Variants in PIP4K2A observed in about 807,000 individuals in gnomAD.
PIP4K2A encodes phosphatidylinositol-5-phosphate 4-kinase type 2 alpha.
Under a neutral mutation model 42.9 loss-of-function variants are expected in PIP4K2A, and 14 were observed. That is an observed-to-expected ratio of 0.33 (90% CI 0.22 to 0.51). The LOEUF (loss-of-function observed/expected upper bound fraction) is 0.51, where lower values mean the gene tolerates loss of function less well. Among genes scored for constraint, PIP4K2A ranks in the 20% least tolerant of loss-of-function variants. The pLI, the probability that PIP4K2A is intolerant of heterozygous loss-of-function variation, is 0.97. For missense variants in PIP4K2A, 434 were observed against 519.8 expected, an observed-to-expected ratio of 0.83 and a Z score of 1.61; for synonymous variants, 192 against 192.2, an observed-to-expected ratio of 1.00 and a Z score of 0.01.
At chr10:22,693,085 T>C (rs1242129699) in intron 1 of PIP4K2A, among the ~76,000 whole-genome samples, 2 of 152,206 alleles carry the variant, frequency 1.3e-5, no homozygotes, top group Non-Finnish European at 2.9e-5. Context: ...ATTGGGGTCA[T>C]AAGTTTTCCT....
At chr10:22,638,376 G>T (rs1404360385) in intron 1 of PIP4K2A, among the ~76,000 whole-genome samples, 1 of 151,994 alleles carries the variant, frequency 6.6e-6, no homozygotes, top group African/African-American at 2.4e-5. Context: ...CATATTCTTT[G>T]GTTAATCTGA....
chr10:22,622,870 C>T (rs1195343824), intron 1 of PIP4K2A, among the ~76,000 whole-genome samples: 1 of 151,990 alleles, frequency 6.6e-6, no homozygotes, highest in African/African-American at 2.4e-5. Context: ...AACTGAGTCA[C>T]AGTAAGGTGA....
At chr10:22,603,635 A>G (rs1403081076) in intron 3 of PIP4K2A, among the ~76,000 whole-genome samples, 1 of 152,200 alleles carries the variant, frequency 6.6e-6, no homozygotes, top group Non-Finnish European at 1.5e-5. Flanking sequence ...TTCTCTCTGC[A>G]TTCCCTAAAA....
chr10:22,586,394 C>CAGA (rs1837395323), intron 4 of PIP4K2A, among the ~76,000 whole-genome samples: 1 of 152,192 alleles, frequency 6.6e-6, no homozygotes. Flanking sequence ...CACAGTCTAC[C>CAGA]AGAAACCAGG....
At chr10:22,573,815 C>T (rs189220736) in intron 4 of PIP4K2A, among the ~76,000 whole-genome samples, 1 of 152,344 alleles carries the variant, frequency 6.6e-6, no homozygotes, top group Non-Finnish European at 1.5e-5. Context: ...CTTCTACCCC[C>T]AAAGCCCTGA....
chr10:22,642,226 T>C (rs1031296178), intron 1 of PIP4K2A, among the ~76,000 whole-genome samples: 3 of 152,136 alleles, frequency 2.0e-5, no homozygotes, highest in Admixed American at 6.5e-5. Flanking sequence ...GAGACAAAGC[T>C]CTCTTTCTGC....
At chr10:22,693,857 TATG>T (rs1839920048) in intron 1 of PIP4K2A, 1 of 152,204 alleles carries the variant, frequency 6.6e-6, no homozygotes, top group Non-Finnish European at 1.5e-5. Flanking sequence ...TCTGATGGGT[TATG>T]ATTTTTTTTA....
chr10:22,672,421 A>C (rs1839473731), intron 1 of PIP4K2A, among the ~76,000 whole-genome samples: 1 of 152,222 alleles, frequency 6.6e-6, no homozygotes, highest in South Asian at 2.1e-4. Flanking sequence ...GTCTATAGTG[A>C]TTTAATCTGG....
intron 1 of PIP4K2A, among the ~76,000 whole-genome samples, chr10:22,695,436 C>T (rs534059613): frequency 2.2e-4 from 34 of 152,236 alleles, no homozygotes; most frequent in African/African-American, 7.0e-4. Flanking sequence ...CCCAAACTCA[C>T]AAAAAGTGAC....
intron 1 of PIP4K2A, among the ~76,000 whole-genome samples, chr10:22,677,431 T>C (rs1839580545): frequency 6.6e-6 from 1 of 151,346 alleles, no homozygotes; most frequent in Admixed American, 6.6e-5. Flanking sequence ...CAAGAGGGAG[T>C]AGGCTGCTGG....
intron 1 of PIP4K2A, among the ~76,000 whole-genome samples, chr10:22,667,263 A>T (rs928172132): frequency 1.3e-5 from 2 of 152,256 alleles, no homozygotes; most frequent in African/African-American, 4.8e-5. Context: ...TATATTCCAC[A>T]AACTAGCTTT....
intron 1 of PIP4K2A, among the ~76,000 whole-genome samples, chr10:22,639,877 C>T (rs1282910051): frequency 3.3e-5 from 5 of 152,080 alleles, no homozygotes; most frequent in East Asian, 1.9e-4. Context: ...CTCCAGAACA[C>T]GAAGAACACG....
At chr10:22,705,426 TAAAAAAAAAAAAAAAAAAAA>T (rs150254345) in intron 1 of PIP4K2A, among the ~76,000 whole-genome samples, 28 of 29,278 alleles carry the variant, frequency 9.6e-4, no homozygotes, top group South Asian at 4.0e-3. Flanking sequence ...GTACCCCAGT[TAAAAAAAAAAAAAAAAAAAA>T]AAAAAAAAAA....
At chr10:22,660,323 T>A (rs1383200380) in intron 1 of PIP4K2A, among the ~76,000 whole-genome samples, 1 of 151,708 alleles carries the variant, frequency 6.6e-6, no homozygotes, top group Non-Finnish European at 1.5e-5. Context: ...TATAAAAAAT[T>A]AGCCGGGTGT....
chr10:22,576,586 T>C (rs985004256), intron 4 of PIP4K2A, among the ~76,000 whole-genome samples: 11 of 152,154 alleles, frequency 7.2e-5, no homozygotes, highest in African/African-American at 1.9e-4. Context: ...CTGTGTGACC[T>C]TGGGACAGTT....
chr10:22,694,892 T>C (rs1164238761), intron 1 of PIP4K2A, among the ~76,000 whole-genome samples: 1 of 152,228 alleles, frequency 6.6e-6, no homozygotes, highest in East Asian at 1.9e-4. Flanking sequence ...CTTACTGCTA[T>C]CCACAAAAAT....
intron 3 of PIP4K2A, among the ~76,000 whole-genome samples, chr10:22,594,061 T>C (rs145288917): frequency 9.7e-4 from 148 of 152,254 alleles, no homozygotes; most frequent in Middle Eastern, 3.4e-3. Context: ...CATGTGAAAA[T>C]GCAGATTCTG....
intron 1 of PIP4K2A, among the ~76,000 whole-genome samples, chr10:22,690,233 C>T (rs1839837131): frequency 6.6e-6 from 1 of 152,164 alleles, no homozygotes; most frequent in Non-Finnish European, 1.5e-5. Flanking sequence ...GGTGCTAATA[C>T]TACCCACGTT....
intron 1 of PIP4K2A, among the ~76,000 whole-genome samples, chr10:22,638,720 C>A (rs970636397): frequency 6.6e-6 from 1 of 152,142 alleles, no homozygotes; most frequent in Non-Finnish European, 1.5e-5. Context: ...GAAAGAAATT[C>A]ATTGACATAT....
Sources: allele counts gnomAD v4.1 joint callset (sites outside exome capture counted in the v4.1 genomes callset), GRCh38; gene constraint gnomAD v4.1.1; transcripts MANE v1.5; gene names NCBI Gene and HGNC (gene_info 2026-07-23, HGNC 2026-07-21).